STXBP5L: variants seen among roughly 807,000 people sequenced by gnomAD.
The protein encoded by STXBP5L is syntaxin-binding protein 5-like.
STXBP5L carries 65 observed loss-of-function variants against 144.5 expected under a neutral mutation model. The ratio of observed to expected loss-of-function variants is 0.45; its 90% CI spans 0.37 to 0.55. The LOEUF is 0.55. Among genes scored for constraint, STXBP5L ranks in the 20% least tolerant of loss-of-function variants. The pLI is 0.00. For missense variants in STXBP5L, 1,298 were observed against 1,405.5 expected, an observed-to-expected ratio of 0.92 and a Z score of 1.22; for synonymous variants, 505 against 469.6, an observed-to-expected ratio of 1.08 and a Z score of -0.97.
chr3:121,154,013 C>T (rs550017356), intron 8 of STXBP5L, among the ~76,000 whole-genome samples: 1 of 151,808 alleles, frequency 6.6e-6, no homozygotes, highest in African/African-American at 2.4e-5. Flanking sequence ...ATAACCAGCT[C>T]AAAAGAAAAC....
At chr3:120,954,312 A>G (rs186953713) in intron 2 of STXBP5L, among the ~76,000 whole-genome samples, 2 of 152,278 alleles carry the variant, frequency 1.3e-5, no homozygotes, top group Admixed American at 6.6e-5. Context: ...TGTGTAATCC[A>G]AATTGCTATG....
In STXBP5L at chr3:121,076,386, G is replaced by A. The variant is rs185281082; in HGVS notation, c.470+30851G>A. Among the ~76,000 whole-genome samples, 525 of 152,314 alleles carry A rather than the reference G, an allele frequency of 3.4e-3. 1 individual carries two copies. The highest frequency in any genetic ancestry group is 6.1e-3 in the Non-Finnish European group (417 of 68,014). Reference sequence around the variant, plus strand: ...CTTTCTAACTCTTCAGGTGGGGCCTGTAAGATGGTTTTTTTCTGCTTTTTC... The same window carrying A: ...CTTTCTAACTCTTCAGGTGGGGCCTATAAGATGGTTTTTTTCTGCTTTTTC... On this transcript the variant is annotated intron_variant, in intron 5 of 26. Transcript: ENST00000471454.
intron 7 of STXBP5L, among the ~76,000 whole-genome samples, chr3:121,136,256 G>A (rs899031087): frequency 3.3e-5 from 5 of 152,130 alleles, no homozygotes; most frequent in African/African-American, 1.2e-4. Context: ...GTTTGCTGTA[G>A]AACCCAGTAT....
chr3:121,235,324 TTA>T (rs1347041361), intron 12 of STXBP5L, among the ~76,000 whole-genome samples: 1 of 152,088 alleles, frequency 6.6e-6, no homozygotes, highest in African/African-American at 2.4e-5. Flanking sequence ...TTTTTTCTTT[TTA>T]TCTTTTTCTT....
intron 9 of STXBP5L, among the ~76,000 whole-genome samples, chr3:121,190,381 T>C (rs981064509): frequency 6.6e-6 from 1 of 152,230 alleles, no homozygotes; most frequent in Non-Finnish European, 1.5e-5. Context: ...GATAAGGTTA[T>C]AGATTAACAG....
chr3:121,399,251 C>G (rs1357104918), intron 22 of STXBP5L, among the ~76,000 whole-genome samples: 1 of 152,188 alleles, frequency 6.6e-6, no homozygotes, highest in Non-Finnish European at 1.5e-5. Flanking sequence ...CCCCTTCTTA[C>G]TCACCATGGG....
intron 3 of STXBP5L, among the ~76,000 whole-genome samples, chr3:120,962,872 G>A (rs1939034811): frequency 6.6e-6 from 1 of 152,164 alleles, no homozygotes; most frequent in African/African-American, 2.4e-5. Context: ...GGGCAGTATA[G>A]CCATTTTCAC....
At chr3:121,078,583 G>T (rs1036548143) in intron 5 of STXBP5L, among the ~76,000 whole-genome samples, 1 of 152,254 alleles carries the variant, frequency 6.6e-6, no homozygotes, top group Non-Finnish European at 1.5e-5. Flanking sequence ...GGAGCAGGGG[G>T]TGGTGCTCTT....
intron 3 of STXBP5L, among the ~76,000 whole-genome samples, chr3:120,976,865 T>G (rs1168352906): frequency 2.6e-5 from 4 of 152,110 alleles, no homozygotes; most frequent in Admixed American, 6.5e-5. Flanking sequence ...TTGAGTGAGT[T>G]TCTTAACCCT....
intron 3 of STXBP5L, among the ~76,000 whole-genome samples, chr3:120,974,022 A>G (rs893534419): frequency 2.6e-5 from 4 of 152,174 alleles, no homozygotes; most frequent in Non-Finnish European, 4.4e-5. Context: ...GTGTCTTTAT[A>G]GCAGCATGAT....
intron 20 of STXBP5L, among the ~76,000 whole-genome samples, chr3:121,377,890 A>T (rs546002182): frequency 6.6e-6 from 1 of 152,338 alleles, no homozygotes; most frequent in South Asian, 2.1e-4. Context: ...TTGAAGCACT[A>T]TTTACAATAG....
chr3:121,257,231 T>C lies in STXBP5L; in HGVS notation c.1730T>C (p.Phe577Ser). 2 of 1,613,874 alleles carry C rather than the reference T, an allele frequency of 1.2e-6. No homozygotes were observed. Among genetic ancestry groups the C allele is most frequent in the Non-Finnish European group, 1.7e-6 (2 of 1,179,828 alleles). ...CCTGAACCAGAAACAAGTCCTCCGT[T>C]TCCAGATCTCTCAGCCCAGCTTCCT... ...ITPEPETSPP[F>S]PDLSAQLPSS... Residue 577 changes from phenylalanine to serine, a missense_variant, in exon 17 of 27, where the codon TTT (phenylalanine) becomes TCT (serine). Phe to Ser is a radical substitution (Grantham distance 155). Coordinates refer to ENST00000471454, the MANE Select transcript of STXBP5L (RefSeq NM_001308330.2).
At chr3:121,228,982 C>G (rs1260661410) in intron 11 of STXBP5L, among the ~76,000 whole-genome samples, 1 of 152,164 alleles carries the variant, frequency 6.6e-6, no homozygotes, top group Admixed American at 6.6e-5. Flanking sequence ...AAAGTTTATT[C>G]TTTAGAAAGA....
intron 3 of STXBP5L, among the ~76,000 whole-genome samples, chr3:121,037,282 C>T (rs1305325895): frequency 6.7e-6 from 1 of 149,604 alleles, no homozygotes; most frequent in Non-Finnish European, 1.5e-5. Context: ...AGGCTCTACT[C>T]TGTCATCCAG....
chr3:121,092,158 G>C (rs2042843595), intron 5 of STXBP5L, among the ~76,000 whole-genome samples: 1 of 152,140 alleles, frequency 6.6e-6, no homozygotes. Context: ...GTACCATGCT[G>C]TTTTGGTTAC....
chr3:121,208,948 G>A lies in STXBP5L; in HGVS notation c.956+2947G>A, dbSNP rs570834960. Among the ~76,000 whole-genome samples, 4 of 151,924 alleles carry A rather than the reference G, an allele frequency of 2.6e-5. No individual in the cohort carries two copies. The South Asian group carries it at 8.3e-4, about 32-fold the overall frequency. Reference sequence around the variant, plus strand: ...CACAACCCCCAACAGGCCACGGTGTGTGATGTTCCCCTCCCTATGTCCATG... The same window carrying A: ...CACAACCCCCAACAGGCCACGGTGTATGATGTTCCCCTCCCTATGTCCATG... On this transcript the variant is annotated intron_variant, in intron 10 of 26. Coordinates refer to ENST00000471454, the MANE Select transcript of STXBP5L (RefSeq NM_001308330.2).
At chr3:121,291,298 C>A (rs1214738592) in intron 19 of STXBP5L, among the ~76,000 whole-genome samples, 1 of 151,988 alleles carries the variant, frequency 6.6e-6, no homozygotes, top group African/African-American at 2.4e-5. Flanking sequence ...ACCCCTTTTA[C>A]AACAGCTGTA....
At chr3:121,407,128 A>C (rs141912480) in intron 22 of STXBP5L, 115 bp from the exon 23 acceptor site, 1 of 1,279,696 alleles carries the variant, frequency 7.8e-7, no homozygotes, top group Non-Finnish European at 1.1e-6. Context: ...ATTCATATAC[A>C]TTAGGGCAAT....
intron 2 of STXBP5L, among the ~76,000 whole-genome samples, chr3:120,918,587 TCTC>T (rs1709215600): frequency 6.6e-6 from 1 of 152,184 alleles, no homozygotes; most frequent in African/African-American, 2.4e-5. Context: ...GATAAGCACT[TCTC>T]CTCACCCTGT....
Sources: allele counts gnomAD v4.1 joint callset (sites outside exome capture counted in the v4.1 genomes callset), GRCh38; gene constraint gnomAD v4.1.1; transcripts MANE v1.5; gene names NCBI Gene and HGNC (gene_info 2026-07-23, HGNC 2026-07-21).